The following FSHB variants were observed in gnomAD, a reference collection of about 807,000 sequenced individuals.
FSHB encodes follicle stimulating hormone subunit beta.
Under a neutral mutation model 12.1 loss-of-function variants are expected in FSHB, and 8 were observed. The ratio of observed to expected loss-of-function variants is 0.66; its 90% CI spans 0.39 to 1.19. The LOEUF (loss-of-function observed/expected upper bound fraction) is 1.19, where lower values mean the gene tolerates loss of function less well. Ranked by LOEUF, FSHB falls within the 50% of genes most tolerant of loss-of-function variation. The pLI, the probability that FSHB is intolerant of heterozygous loss-of-function variation, is 0.01. For missense variants in FSHB, 153 were observed against 157.2 expected (o/e 0.97, Z 0.14); for synonymous variants, 55 against 54.6 (o/e 1.01, Z -0.04).
At position 30,234,739 on chromosome 11, in the gene FSHB, T is replaced by C. The variant is rs866433090; in HGVS notation, c.*939T>C. The C allele has an allele frequency of 6.6e-6, 1 of 152,322 alleles. No homozygotes were observed. Among genetic ancestry groups the C allele is most frequent in the Non-Finnish European group, 1.5e-5 (1 of 68,022 alleles). 9.4% of individuals were successfully genotyped at this position (152,322 alleles called of 1,614,324 possible). ...AGCAGTTTCAGCAATTTAATAAATATAATTAATTTGTCTACAAATATATTT... is the reference window on the plus strand; with the variant it reads ...AGCAGTTTCAGCAATTTAATAAATACAATTAATTTGTCTACAAATATATTT... On this transcript the variant is annotated 3_prime_UTR_variant, in exon 3 of 3. Coordinates refer to ENST00000533718, the MANE Select transcript of FSHB (RefSeq NM_001382289.1).
intron 2 of FSHB, among the ~76,000 whole-genome samples, chr11:30,233,230 T>C (rs538756153): frequency 1.3e-5 from 2 of 152,272 alleles, no homozygotes; most frequent in African/African-American, 4.8e-5. Context: ...TTGTTTATGG[T>C]TTGTTATTAA....
In FSHB at chr11:30,232,056, A is replaced by G. The variant is rs766063272; in HGVS notation, c.154A>G (p.Thr52Ala). 1.7e-5 allele frequency: 27 copies of G among 1,613,730 alleles called. No homozygotes were observed. The East Asian group carries it at 2.9e-4, about 17-fold the overall frequency. ...NTTWCAGYCY[T>A]RDLVYKDPAR... ...CACTTGGTGTGCTGGCTACTGCTAC[A>G]CCAGGGTAGGTACCATGTTTTGCTG... Residue 52 changes from threonine to alanine, a missense_variant, in exon 2 of 3, where the codon ACC becomes GCC. Transcript: ENST00000533718.
intron 2 of FSHB, among the ~76,000 whole-genome samples, chr11:30,233,156 T>C (rs910989614): frequency 4.6e-5 from 7 of 152,186 alleles, no homozygotes; most frequent in Non-Finnish European, 1.0e-4. Context: ...TATATATTTT[T>C]GACCTTTTAT....
rs370680807 is a variant in FSHB, at chr11:30,232,062, G to A, written c.159+1G>A. ...GTGTGCTGGCTACTGCTACACCAGG[G>A]TAGGTACCATGTTTTGCTGGAAGCA... On this transcript the variant is annotated splice_donor_variant, in intron 2 of 2. Coordinates refer to ENST00000533718, the MANE Select transcript of FSHB (RefSeq NM_001382289.1). LOFTEE classifies it high-confidence loss of function. The A allele has an allele frequency of 8.1e-6, 13 of 1,613,620 alleles. No homozygotes were observed. Among genetic ancestry groups the A allele is most frequent in the African/African-American group, 2.7e-5 (2 of 74,910 alleles).
intron 1 of FSHB, among the ~76,000 whole-genome samples, chr11:30,231,640 C>T (rs1212023608): frequency 2.0e-5 from 3 of 152,116 alleles, no homozygotes; most frequent in African/African-American, 7.2e-5. Flanking sequence ...TATTCCTCTG[C>T]TTAAATCATT....
rs763300762 is a variant in FSHB at position 30,231,932 on chromosome 11, C to G, written c.30C>G (p.Phe10Leu). The G allele has an allele frequency of 1.3e-5, 21 of 1,613,770 alleles. No homozygotes were observed. The highest frequency in any genetic ancestry group is 1.7e-5 in the Admixed American group (1 of 59,988). Residue 10 changes from phenylalanine (F) to leucine (L), a missense_variant, in exon 2 of 3, where the codon TTC becomes TTG. Phe to Leu is a conservative substitution (Grantham distance 22, BLOSUM62 0). Transcript: ENST00000533718. Reference sequence around the variant, plus strand: ...AGACACTCCAGTTTTTCTTCCTTTTCTGTTGCTGGAAAGCAATCTGCTGCA... The same window carrying G: ...AGACACTCCAGTTTTTCTTCCTTTTGTGTTGCTGGAAAGCAATCTGCTGCA... MKTLQFFFLFCCWKAICCNS... is the reference protein window; with the variant it reads MKTLQFFFLLCCWKAICCNS...
At chr11:30,233,509 G>C (rs1297175939) in intron 2 of FSHB, 61 bp from the exon 3 acceptor site, 4 of 1,344,534 alleles carry the variant, frequency 3.0e-6, no homozygotes, top group Non-Finnish European at 4.3e-6. Flanking sequence ...GTCTCATTTT[G>C]ACTAAGCTAA....
Position 30,234,111 on chromosome 11 carries a change from G to A in FSHB, c.*311G>A. On this transcript the variant is annotated 3_prime_UTR_variant, in exon 3 of 3. Coordinates refer to ENST00000533718, the MANE Select transcript of FSHB (RefSeq NM_001382289.1). ...TCTCAGGCAATGCCTCTCTCTTAGG[G>A]GGAAACATAAGCCTAGAAGGAGGAA... 2.7e-6 allele frequency: 1 copy of A among 369,360 alleles called. No homozygotes were observed. Among genetic ancestry groups the A allele is most frequent in the Non-Finnish European group, 5.2e-6 (1 of 191,678 alleles). The allele number at this position is 369,360 out of a possible 1,614,324, so 22.9% of individuals were successfully genotyped here.
At chr11:30,232,148 G>T in intron 2 of FSHB, 87 bp downstream of exon 2, 1 of 1,368,824 alleles carries the variant, frequency 7.3e-7, no homozygotes, top group Non-Finnish European at 1.0e-6. Flanking sequence ...AATATTTTAT[G>T]TATTCTAAGT....
intron 1 of FSHB, among the ~76,000 whole-genome samples, chr11:30,231,543 A>G (rs1373954430): frequency 6.6e-6 from 1 of 152,212 alleles, no homozygotes; most frequent in Non-Finnish European, 1.5e-5. Flanking sequence ...ATAGACTTTA[A>G]AATAATAATG....
In FSHB at chr11:30,231,882, T is replaced by C. The variant is rs769301700; in HGVS notation, c.-21T>C. The C allele has an allele frequency of 4.3e-6, 7 of 1,613,696 alleles. No homozygotes were observed. Among genetic ancestry groups the C allele is most frequent in the South Asian group, 2.2e-5 (2 of 91,078 alleles). ...GTTTCTCAGTTTCTAGTGGGCTTCA[T>C]TGTTTGCTTCCCAGACCAGGATGAA... is the stretch of plus-strand genomic sequence containing the variant. On this transcript the variant is annotated 5_prime_UTR_variant, in exon 2 of 3. Transcript: ENST00000533718.
Position 30,233,991 on chromosome 11 carries a change from T to G in FSHB, c.*191T>G, listed in dbSNP as rs2133650664. The G allele has an allele frequency of 6.4e-6, 4 of 621,466 alleles. No homozygotes were observed. In the East Asian group the frequency reaches 1.1e-4, roughly 18 times the overall value. 38.5% of individuals were successfully genotyped at this position (621,466 alleles called of 1,614,324 possible). ...CTGGGGGCCAGGACTCCATCATGAT[T>G]CAGCTCTATATTCCTAGGTCTGATT... On this transcript the variant is annotated 3_prime_UTR_variant, in exon 3 of 3. Transcript: ENST00000533718.
At position 30,234,337 on chromosome 11, in the gene FSHB, T is replaced by G. The variant is rs1312332794; in HGVS notation, c.*537T>G. The G allele has an allele frequency of 5.9e-6, 1 of 168,660 alleles. No homozygotes were observed. Among genetic ancestry groups the G allele is most frequent in the African/African-American group, 2.4e-5 (1 of 41,700 alleles). The allele number at this position is 168,660 out of a possible 1,614,324, so 10.4% of individuals were successfully genotyped here. A position where few individuals can be genotyped will look rare whatever the true frequency, so the allele number is the denominator to read the frequency against. On this transcript the variant is annotated 3_prime_UTR_variant, in exon 3 of 3. Transcript: ENST00000533718. ...CTGGAAGACGATGTTTGAGGTAAGC[T>G]GATGAGGCTGCCCGCAGCCACACCA...
intron 1 of FSHB, 104 bp from the exon 2 acceptor site, chr11:30,231,762 G>T (rs1852009379): frequency 1.2e-6 from 1 of 864,208 alleles, no homozygotes; most frequent in Non-Finnish European, 1.9e-6. Flanking sequence ...GCATAAGGAA[G>T]GAAAAAAAAC....
In FSHB at chr11:30,234,542, G is replaced by A. The variant is rs1251495568; in HGVS notation, c.*742G>A. On this transcript the variant is annotated 3_prime_UTR_variant, in exon 3 of 3. Coordinates refer to ENST00000533718, the MANE Select transcript of FSHB (RefSeq NM_001382289.1). ...GGCAAAGGCAAGAAATTGTAATTTG[G>A]GGCTGTGGAAATTAGCCTGCCTCTA... 6.6e-6 allele frequency: 1 copy of A among 152,204 alleles called. No individual in the cohort carries two copies. The highest frequency in any genetic ancestry group is 2.4e-5 in the African/African-American group (1 of 41,376). The allele number at this position is 152,204 out of a possible 1,614,324, so 9.4% of individuals were successfully genotyped here. A position where few individuals can be genotyped will look rare whatever the true frequency, so the allele number is the denominator to read the frequency against.
intron 1 of FSHB, 43 bp from the exon 2 acceptor site, chr11:30,231,823 T>G: frequency 1.3e-6 from 2 of 1,524,836 alleles, no homozygotes; most frequent in Non-Finnish European, 1.8e-6. Flanking sequence ...TTATTTTTGG[T>G]TTGGTCAGCT....
chr11:30,233,391 A>G (rs988790560), intron 2 of FSHB, among the ~76,000 whole-genome samples, 179 bp from the exon 3 acceptor site: 3 of 152,216 alleles, frequency 2.0e-5, no homozygotes, highest in Non-Finnish European at 4.4e-5. Context: ...AATTACTTGT[A>G]TTTTCTGGAA....
rs1852017520 is a variant in FSHB at position 30,232,167 on chromosome 11, T to C, written c.159+106T>C. ...TTTTATGTATTCTAAGTAACAGCCA[T>C]GAGTCCTTTAGCCAAGACTGTCTGT... On this transcript the variant is annotated intron_variant, in intron 2 of 2. Coordinates refer to ENST00000533718, the MANE Select transcript of FSHB (RefSeq NM_001382289.1). 3.4e-6 allele frequency: 4 copies of C among 1,168,778 alleles called. No homozygotes were observed. In the Admixed American group the frequency reaches 5.6e-5, roughly 16 times the overall value. 72.4% of individuals were successfully genotyped at this position (1,168,778 alleles called of 1,614,324 possible). A position where few individuals can be genotyped will look rare whatever the true frequency, so the allele number is the denominator to read the frequency against.
At chr11:30,233,354 G>T (rs1393395576) in intron 2 of FSHB, among the ~76,000 whole-genome samples, 1 of 152,000 alleles carries the variant, frequency 6.6e-6, no homozygotes, top group Non-Finnish European at 1.5e-5. Context: ...TTAATATTTT[G>T]ATATAGCCAT....
Sources: allele counts gnomAD v4.1 joint callset (sites outside exome capture counted in the v4.1 genomes callset), GRCh38; gene constraint gnomAD v4.1.1; transcripts MANE v1.5; gene names NCBI Gene and HGNC (gene_info 2026-07-23, HGNC 2026-07-21).